PCDH15: variants seen among roughly 807,000 people sequenced by gnomAD.
The protein encoded by PCDH15 is protocadherin-15.
A neutral mutation model predicts 178.5 loss-of-function variants in PCDH15; 129 were observed. The observed-to-expected ratio is 0.72, with a 90% CI of 0.63 to 0.84. The LOEUF (loss-of-function observed/expected upper bound fraction) is 0.84. PCDH15 is among the 40% of genes least tolerant of loss of function. The probability of loss-of-function intolerance (pLI) is 0.00; values close to 1 mark genes in which losing one functional copy is unlikely to be tolerated. For missense variants in PCDH15, 2,230 were observed against 2,099.9 expected, an observed-to-expected ratio of 1.06 and a Z score of -1.21; for synonymous variants, 800 against 732.0, an observed-to-expected ratio of 1.09 and a Z score of -1.50.
At chr10:55,554,661 A>T (rs753459855) in intron 2 of PCDH15, among the ~76,000 whole-genome samples, 4 of 152,058 alleles carry the variant, frequency 2.6e-5, no homozygotes, top group African/African-American at 4.8e-5. Context: ...GAATGTATGC[A>T]GGACTTCAGT....
intron 20 of PCDH15, among the ~76,000 whole-genome samples, chr10:54,017,376 T>C (rs182876646): frequency 6.6e-6 from 1 of 152,174 alleles, no homozygotes; most frequent in East Asian, 1.9e-4. Context: ...AACAAAGACA[T>C]GGAATCGACC....
chr10:55,379,306 T>A (rs2131999067), intron 2 of PCDH15, among the ~76,000 whole-genome samples: 1 of 151,952 alleles, frequency 6.6e-6, no homozygotes, highest in Non-Finnish European at 1.5e-5. Context: ...TGTACCCCTG[T>A]CAATATACTA....
At chr10:53,945,251 A>T (rs180677381) in intron 23 of PCDH15, among the ~76,000 whole-genome samples, 6 of 152,322 alleles carry the variant, frequency 3.9e-5, no homozygotes, top group Admixed American at 3.9e-4. Flanking sequence ...ACTTCCTCCC[A>T]GAAAAGTTCA....
intron 1 of PCDH15, among the ~76,000 whole-genome samples, chr10:54,723,914 C>T (rs66665860): frequency 0.12 from 18,486 of 151,458 alleles, 1,254 homozygotes; most frequent in African/African-American, 0.17. Context: ...TGTCAAGAAA[C>T]GGCAATTGTT....
intron 1 of PCDH15, among the ~76,000 whole-genome samples, chr10:55,306,129 C>G (rs139830161): frequency 6.6e-6 from 1 of 152,216 alleles, no homozygotes; most frequent in African/African-American, 2.4e-5. Context: ...TATGGATAAT[C>G]TATCAATTTC....
chr10:54,603,371 T>C (rs1453190012), intron 2 of PCDH15, among the ~76,000 whole-genome samples: 1 of 152,000 alleles, frequency 6.6e-6, no homozygotes, highest in Non-Finnish European at 1.5e-5. Context: ...TTGTCCTTTT[T>C]AAAATTTATT....
At chr10:54,910,351 C>T (rs1448979557) in intron 2 of PCDH15, among the ~76,000 whole-genome samples, 3 of 152,166 alleles carry the variant, frequency 2.0e-5, no homozygotes, top group Admixed American at 2.0e-4. Flanking sequence ...TACTCAAGTT[C>T]TGAAGGTAAA....
chr10:55,219,885 C>T (rs1404546034), intron 1 of PCDH15, among the ~76,000 whole-genome samples: 1 of 149,500 alleles, frequency 6.7e-6, no homozygotes, highest in African/African-American at 2.5e-5. Context: ...ATCAGTCACA[C>T]ACACACACAC....
intron 9 of PCDH15, among the ~76,000 whole-genome samples, chr10:54,231,802 T>C (rs2054105094): frequency 6.6e-6 from 1 of 152,228 alleles, no homozygotes; most frequent in Non-Finnish European, 1.5e-5. Flanking sequence ...CTCCTGGGTT[T>C]TGGACTTCCA....
chr10:54,945,819 G>T (rs976927652), intron 2 of PCDH15, among the ~76,000 whole-genome samples: 2 of 151,692 alleles, frequency 1.3e-5, no homozygotes, highest in Admixed American at 1.3e-4. Context: ...CAAGTATTGG[G>T]ATCTGCAGAT....
chr10:54,560,459 C>T (rs2087957926), intron 2 of PCDH15, among the ~76,000 whole-genome samples: 1 of 151,930 alleles, frequency 6.6e-6, no homozygotes, highest in Non-Finnish European at 1.5e-5. Context: ...TTTTTTGTCA[C>T]TCATTAAAAG....
intron 8 of PCDH15, among the ~76,000 whole-genome samples, chr10:54,311,041 G>C (rs2060871958): frequency 6.6e-6 from 1 of 152,072 alleles, no homozygotes; most frequent in Admixed American, 6.6e-5. Flanking sequence ...CCCGGAGGGA[G>C]AGGGTTTCAT....
chr10:54,451,096 T>A (rs545968002), intron 3 of PCDH15, among the ~76,000 whole-genome samples: 1 of 152,010 alleles, frequency 6.6e-6, no homozygotes, highest in East Asian at 1.9e-4. Context: ...TTTAACAATA[T>A]AAAATTTGTT....
chr10:55,165,607 C>T (rs1212027117), intron 2 of PCDH15, among the ~76,000 whole-genome samples: 1 of 151,880 alleles, frequency 6.6e-6, no homozygotes, highest in Non-Finnish European at 1.5e-5. Context: ...TAAATGCCTA[C>T]TTTGCCACAG....
chr10:55,505,068 TTTTTTG>T (rs1303902660), intron 2 of PCDH15, among the ~76,000 whole-genome samples: 27 of 151,404 alleles, frequency 1.8e-4, no homozygotes, highest in African/African-American at 6.0e-4. Flanking sequence ...TGAAGGCAAG[TTTTTTG>T]TTTTTGTTTT....
chr10:54,971,499 T>C (rs1236038960), intron 2 of PCDH15, among the ~76,000 whole-genome samples: 1 of 152,222 alleles, frequency 6.6e-6, no homozygotes, highest in African/African-American at 2.4e-5. Flanking sequence ...ATTTCTCTTC[T>C]GTATAAATTA....
chr10:54,195,913 T>G, intron 10 of PCDH15, 24 bp from the exon 11 acceptor site: 1 of 1,595,990 alleles, frequency 6.3e-7, no homozygotes, highest in African/African-American at 1.3e-5. Context: ...GAAAAGAAAA[T>G]ATTTAGAAAG....
intron 3 of PCDH15, among the ~76,000 whole-genome samples, chr10:54,526,560 G>C (rs1382013030): frequency 6.6e-6 from 1 of 151,798 alleles, no homozygotes; most frequent in Non-Finnish European, 1.5e-5. Flanking sequence ...TTTCTCTACT[G>C]TAGACACATT....
At chr10:54,354,889 T>A (rs1000990833) in intron 5 of PCDH15, among the ~76,000 whole-genome samples, 19 of 151,866 alleles carry the variant, frequency 1.3e-4, no homozygotes, top group Admixed American at 1.1e-3. Context: ...ATAACCACAA[T>A]GAAATGTAAA....
Sources: gnomAD v4.1 joint callset for allele counts (sites outside exome capture counted in the v4.1 genomes callset) on GRCh38, gnomAD v4.1.1 for gene constraint, MANE v1.5 for transcripts, NCBI Gene and HGNC (gene_info 2026-07-23, HGNC 2026-07-21) for gene names.